MYO1F: variants seen among roughly 807,000 people sequenced by gnomAD.
MYO1F encodes unconventional myosin-If.
A neutral mutation model predicts 146.6 loss-of-function variants in MYO1F; 60 were observed. That is an observed-to-expected ratio of 0.41 (90% CI 0.33 to 0.51). The LOEUF (loss-of-function observed/expected upper bound fraction) is 0.51. Among genes scored for constraint, MYO1F ranks in the 20% least tolerant of loss-of-function variants. The pLI, the probability that MYO1F is intolerant of heterozygous loss-of-function variation, is 0.25. For missense variants in MYO1F, 1,274 were observed against 1,534.3 expected, an observed-to-expected ratio of 0.83 and a Z score of 2.83; for synonymous variants, 602 against 602.1, an observed-to-expected ratio of 1.00 and a Z score of 0.00.
At chr19:8,550,968 C>T (rs1257352816) in intron 8 of MYO1F, among the ~76,000 whole-genome samples, 1 of 152,048 alleles carries the variant, frequency 6.6e-6, no homozygotes, top group Non-Finnish European at 1.5e-5. Context: ...GCAACCTCCT[C>T]ATCCCAGGTT....
At chr19:8,567,600 TC>T (rs1469777220) in intron 1 of MYO1F, among the ~76,000 whole-genome samples, 1 of 151,984 alleles carries the variant, frequency 6.6e-6, no homozygotes, top group Non-Finnish European at 1.5e-5. Context: ...CAGGTGATCC[TC>T]CCACCTCGGC....
intron 23 of MYO1F, 33 bp downstream of exon 23, chr19:8,526,756 C>T (rs1972288276): frequency 1.3e-6 from 2 of 1,585,070 alleles, no homozygotes; most frequent in Admixed American, 3.6e-5. Flanking sequence ...CCGAGACCAC[C>T]CCGAGATGGT....
At chr19:8,551,967 C>A (rs754142078) in intron 7 of MYO1F, 66 bp downstream of exon 7, 8 of 1,613,922 alleles carry the variant, frequency 5.0e-6, no homozygotes, top group Non-Finnish European at 6.8e-6. Flanking sequence ...TAGGTGTTTA[C>A]CTTCCCATTG....
At chr19:8,544,824 G>A (rs1461074505) in intron 13 of MYO1F, among the ~76,000 whole-genome samples, 1 of 152,068 alleles carries the variant, frequency 6.6e-6, no homozygotes, top group Admixed American at 6.6e-5. Context: ...TGCCCAGGCT[G>A]GAGAGCAGTG....
intron 1 of MYO1F, among the ~76,000 whole-genome samples, chr19:8,574,541 T>TCTC (rs2042169476): frequency 1.5e-5 from 1 of 68,752 alleles, no homozygotes; most frequent in Non-Finnish European, 3.0e-5. Flanking sequence ...CTTTCTTTCT[T>TCTC]TCTTTCTTTC....
At chr19:8,557,406 T>C (rs1262345781) in intron 1 of MYO1F, among the ~76,000 whole-genome samples, 1 of 152,052 alleles carries the variant, frequency 6.6e-6, no homozygotes, top group African/African-American at 2.4e-5. Context: ...AAGCAATCCT[T>C]CCACCACACC....
intron 10 of MYO1F, among the ~76,000 whole-genome samples, chr19:8,549,309 T>C (rs1055979665): frequency 6.6e-6 from 1 of 152,062 alleles, no homozygotes; most frequent in Non-Finnish European, 1.5e-5. Context: ...TCTCAGTCTG[T>C]TGTCCAGGCT....
intron 13 of MYO1F, 76 bp downstream of exon 13, chr19:8,545,559 TGCCATAACACCCTTG>T: frequency 2.9e-6 from 3 of 1,047,546 alleles, no homozygotes; most frequent in African/African-American, 1.6e-5. Flanking sequence ...GGCCTGAGGA[TGCCATAACACCCTTG>T]GCCCTCCCCC....
At chr19:8,568,990 C>T (rs1341364349) in intron 1 of MYO1F, among the ~76,000 whole-genome samples, 4 of 151,822 alleles carry the variant, frequency 2.6e-5, no homozygotes, top group Admixed American at 1.3e-4. Context: ...AGTACAGGAG[C>T]GAACAAAGAG....
At chr19:8,553,863 C>G (rs1973716043) in intron 4 of MYO1F, among the ~76,000 whole-genome samples, 1 of 144,258 alleles carries the variant, frequency 6.9e-6, no homozygotes, top group Non-Finnish European at 1.5e-5. Flanking sequence ...CAGACTGAGA[C>G]TCTGTCACAC....
chr19:8,536,233 G>T lies in MYO1F; in HGVS notation c.2043+19C>A. On this transcript the variant is annotated intron_variant, in intron 19 of 27. Transcript: ENST00000644032. ...TCTCTTCCCCTCTCCTTCTCTGCCTGTCCCTCAAACACACTCACCGACTCT... is the reference window on the plus strand; with the variant it reads ...TCTCTTCCCCTCTCCTTCTCTGCCTTTCCCTCAAACACACTCACCGACTCT... 6.2e-7 allele frequency: 1 copy of T among 1,601,510 alleles called. No homozygotes were observed. The highest frequency in any genetic ancestry group is 8.5e-7 in the Non-Finnish European group (1 of 1,179,792).
Position 8,545,753 on chromosome 19 carries a change from G to C in MYO1F, c.1270-17C>G. The stretch of plus-strand genomic sequence containing the variant: ...ATACTCCTCCTGGGGTGGAAAAGGG[G>C]GTGGATGTGGGGGCCAGTGAAAAAG... On this transcript the variant is annotated splice_polypyrimidine_tract_variant and intron_variant, in intron 12 of 27. Coordinates refer to ENST00000644032, the MANE Select transcript of MYO1F (RefSeq NM_012335.4). 1 of 1,597,338 alleles carries C rather than the reference G, an allele frequency of 6.3e-7. No individual in the cohort carries two copies. Among genetic ancestry groups the C allele is most frequent in the Non-Finnish European group, 8.6e-7 (1 of 1,164,798 alleles).
intron 15 of MYO1F, among the ~76,000 whole-genome samples, chr19:8,541,403 TTGTGTGTG>T (rs200079933): frequency 2.3e-5 from 3 of 130,514 alleles, no homozygotes; most frequent in Non-Finnish European, 3.1e-5. Flanking sequence ...GCTATGTTCT[TTGTGTGTG>T]TGTGTGTGTG....
chr19:8,545,950 CCCCAGCT>C (rs1255367515), intron 12 of MYO1F, among the ~76,000 whole-genome samples: 1 of 152,076 alleles, frequency 6.6e-6, no homozygotes, highest in African/African-American at 2.4e-5. Flanking sequence ...TGGATAAATA[CCCCAGCT>C]CCCTCGCTTC....
In MYO1F at chr19:8,550,316, C is replaced by T; in HGVS notation, c.945G>A (p.Gly315=). ...GGCTGGTCAGCTTCTCCTGCAGTCGCCCGCTGTCAATGCCCAGCAGGTAGG... is the reference window on the plus strand; with the variant it reads ...GGCTGGTCAGCTTCTCCTGCAGTCGTCCGCTGTCAATGCCCAGCAGGTAGG... ...FPAYLLGIDS[G]RLQEKLTSRK... Residue 315 remains glycine (G), a synonymous_variant, in exon 10 of 28, where the codon GGG becomes GGA. Transcript: ENST00000644032. The T allele has an allele frequency of 6.2e-7, 1 of 1,613,784 alleles. No homozygotes were observed. Among genetic ancestry groups the T allele is most frequent in the Admixed American group, 1.7e-5 (1 of 59,952 alleles).
At chr19:8,542,836 C>T (rs1242043383) in intron 14 of MYO1F, among the ~76,000 whole-genome samples, 1 of 151,520 alleles carries the variant, frequency 6.6e-6, no homozygotes, top group African/African-American at 2.4e-5. Context: ...ATCTCCTGAC[C>T]TTGTGATCCG....
rs762417931 is a variant in MYO1F, at chr19:8,526,789, G to A, written c.2621C>T (p.Thr874Ile). 1.9e-6 allele frequency: 3 copies of A among 1,608,864 alleles called. No homozygotes were observed. The highest frequency in any genetic ancestry group is 2.5e-6 in the Non-Finnish European group (3 of 1,178,192). Residue 874 changes from threonine to isoleucine, a missense_variant and splice_region_variant, in exon 23 of 28, where the codon ACA becomes ATA. Thr to Ile is a moderately conservative substitution (Grantham distance 89, BLOSUM62 -1). This residue lies in a region of MYO1F where 374 missense variants were observed against 379.2 expected (regional missense o/e 0.99). Transcript: ENST00000644032. ...RRPLPLTFSDTLQFRVKKEGW... is the reference protein window; with the variant it reads ...RRPLPLTFSDILQFRVKKEGW... ...GGTGCTGGGGTTGGCGGGGCCGTAC[G>A]TGTCGCTGAAGGTGAGGGGCAGGGG...
intron 19 of MYO1F, among the ~76,000 whole-genome samples, chr19:8,533,712 T>A (rs1972588322): frequency 6.6e-6 from 1 of 152,148 alleles, no homozygotes; most frequent in Non-Finnish European, 1.5e-5. Flanking sequence ...ACCTTGATTT[T>A]GGACTTCTGA....
chr19:8,572,875 T>C (rs2145989933), intron 1 of MYO1F, among the ~76,000 whole-genome samples: 1 of 152,210 alleles, frequency 6.6e-6, no homozygotes. Flanking sequence ...TTTAAATGCT[T>C]TGTAGAGATG....
Sources: gnomAD v4.1 joint callset for allele counts (sites outside exome capture counted in the v4.1 genomes callset) on GRCh38, gnomAD v4.1.1 for gene constraint, gnomAD v4.1.1 regional missense constraint, MANE v1.5 for transcripts, NCBI Gene and HGNC (gene_info 2026-07-23, HGNC 2026-07-21) for gene names.